The following GRID2 variants were observed in gnomAD, a reference collection of about 807,000 sequenced individuals.
The protein encoded by GRID2 is glutamate receptor ionotropic, delta-2.
A neutral mutation model predicts 114.8 loss-of-function variants in GRID2; 33 were observed. That is an observed-to-expected ratio of 0.29 (90% CI 0.22 to 0.38). GRID2 has a LOEUF of 0.38. GRID2 is among the 10% of genes least tolerant of loss of function. GRID2 has a pLI of 1.00. For missense variants in GRID2, 1,184 were observed against 1,257.7 expected (o/e 0.94, Z 0.89); for synonymous variants, 505 against 449.9 (o/e 1.12, Z -1.55).
intron 2 of GRID2, among the ~76,000 whole-genome samples, chr4:92,671,434 A>G (rs1461795938): frequency 6.6e-6 from 1 of 152,140 alleles, no homozygotes; most frequent in Admixed American, 6.6e-5. Context: ...TTCATATTGT[A>G]TCAAACATCA....
intron 10 of GRID2, among the ~76,000 whole-genome samples, chr4:93,433,213 T>C (rs1275959392): frequency 6.6e-6 from 1 of 152,220 alleles, no homozygotes; most frequent in Non-Finnish European, 1.5e-5. Context: ...ATCTGAATCA[T>C]GACCCAAAAT....
At chr4:92,566,286 G>T (rs912520643) in intron 1 of GRID2, among the ~76,000 whole-genome samples, 10 of 150,672 alleles carry the variant, frequency 6.6e-5, no homozygotes, top group African/African-American at 1.7e-4. Flanking sequence ...AAATATTTCT[G>T]TTTTTTTTTA....
chr4:93,509,021 T>A (rs749500724), intron 12 of GRID2, among the ~76,000 whole-genome samples: 1 of 152,148 alleles, frequency 6.6e-6, no homozygotes, highest in African/African-American at 2.4e-5. Flanking sequence ...AGAATGGAAA[T>A]AGAAAAGGCT....
chr4:93,065,472 T>G (rs1728215905), intron 2 of GRID2, among the ~76,000 whole-genome samples: 1 of 151,884 alleles, frequency 6.6e-6, no homozygotes, highest in Non-Finnish European at 1.5e-5. Flanking sequence ...TGACTGTTTT[T>G]ACTTTATCTC....
chr4:92,834,266 A>G (rs779376657), intron 2 of GRID2, among the ~76,000 whole-genome samples: 1 of 152,112 alleles, frequency 6.6e-6, no homozygotes, highest in African/African-American at 2.4e-5. Context: ...TTTATTTCAT[A>G]TATTTTCTTT....
intron 1 of GRID2, among the ~76,000 whole-genome samples, chr4:92,486,588 C>CAA (rs764390582): frequency 5.6e-5 from 8 of 143,652 alleles, no homozygotes; most frequent in Non-Finnish European, 1.2e-4. Flanking sequence ...CACACACACA[C>CAA]ACAAACACAG....
At chr4:92,649,981 T>TG (rs1253140856) in intron 2 of GRID2, among the ~76,000 whole-genome samples, 1 of 151,954 alleles carries the variant, frequency 6.6e-6, no homozygotes, top group Non-Finnish European at 1.5e-5. Flanking sequence ...CCATCATAAG[T>TG]TGAGGAGCAT....
intron 4 of GRID2, among the ~76,000 whole-genome samples, chr4:93,153,172 C>G (rs535902146): frequency 1.3e-5 from 2 of 152,022 alleles, no homozygotes; most frequent in Non-Finnish European, 2.9e-5. Context: ...ATACAAAATT[C>G]TGGCCTCCTA....
chr4:92,511,387 T>A (rs1579493594), intron 1 of GRID2, among the ~76,000 whole-genome samples: 1 of 151,766 alleles, frequency 6.6e-6, no homozygotes, highest in Admixed American at 6.6e-5. Flanking sequence ...TCCCACCAGG[T>A]CCACCGCCAA....
chr4:93,451,655 C>A (rs78371444), intron 10 of GRID2, among the ~76,000 whole-genome samples: 1 of 151,844 alleles, frequency 6.6e-6, no homozygotes, highest in South Asian at 2.1e-4. Flanking sequence ...AATAGGGAGA[C>A]TGAAGAGGAA....
At chr4:93,225,024 A>G (rs1419881338) in intron 7 of GRID2, among the ~76,000 whole-genome samples, 7 of 152,092 alleles carry the variant, frequency 4.6e-5, no homozygotes, top group Admixed American at 3.9e-4. Flanking sequence ...CCACTTGACT[A>G]TGTCATTAGC....
chr4:92,643,012 G>A (rs1731435848), intron 2 of GRID2, among the ~76,000 whole-genome samples: 1 of 151,752 alleles, frequency 6.6e-6, no homozygotes, highest in African/African-American at 2.4e-5. Context: ...TTATAGTATA[G>A]TTTGACGTTA....
intron 2 of GRID2, among the ~76,000 whole-genome samples, chr4:92,876,145 G>A (rs895556072): frequency 1.3e-5 from 2 of 151,640 alleles, no homozygotes; most frequent in South Asian, 2.1e-4. Context: ...AATTTCCAGA[G>A]TGATCCCTTT....
At position 92,454,327 on chromosome 4, in the gene GRID2, C is replaced by T. The variant is rs531900218; in HGVS notation, c.89-135804C>T. ...AAGTACTTAACTATATGAAAATGAG[C>T]ATTATGCATAAGGATAAATTTGGCT... On this transcript the variant is annotated intron_variant, in intron 1 of 15. Transcript: ENST00000282020. 3.9e-5 allele frequency among the ~76,000 whole-genome samples: 6 copies of T among 152,260 alleles called. No individual in the cohort carries two copies. The South Asian group carries it at 1.2e-3, about 32-fold the overall frequency.
At chr4:92,306,779 A>G (rs1725429989) in intron 1 of GRID2, among the ~76,000 whole-genome samples, 1 of 152,226 alleles carries the variant, frequency 6.6e-6, no homozygotes, top group African/African-American at 2.4e-5. Context: ...GAGTGGCTAT[A>G]ATCACATTTA....
chr4:92,588,678 CAA>C (rs1209254541), intron 1 of GRID2, among the ~76,000 whole-genome samples: 1,549 of 70,108 alleles, frequency 0.022, 9 homozygotes, highest in African/African-American at 0.061. Flanking sequence ...GACTCCGTCT[CAA>C]AAAAAAAAAA....
intron 1 of GRID2, among the ~76,000 whole-genome samples, chr4:92,583,305 G>C (rs1728266607): frequency 6.6e-6 from 1 of 151,730 alleles, no homozygotes; most frequent in Non-Finnish European, 1.5e-5. Flanking sequence ...AAATTGGAGA[G>C]AAACACAACA....
At chr4:92,784,419 C>G (rs1342648536) in intron 2 of GRID2, among the ~76,000 whole-genome samples, 6 of 151,644 alleles carry the variant, frequency 4.0e-5, no homozygotes, top group Non-Finnish European at 2.9e-5. Flanking sequence ...ATAAATTATA[C>G]AATTTGTGAA....
intron 14 of GRID2, among the ~76,000 whole-genome samples, chr4:93,638,045 T>C (rs1168865232): frequency 6.6e-6 from 1 of 152,148 alleles, no homozygotes; most frequent in Non-Finnish European, 1.5e-5. Context: ...TTATTCTATA[T>C]AGCCCAGGTA....
Sources: allele counts gnomAD v4.1 joint callset (sites outside exome capture counted in the v4.1 genomes callset), GRCh38; gene constraint gnomAD v4.1.1; transcripts MANE v1.5; gene names NCBI Gene and HGNC (gene_info 2026-07-23, HGNC 2026-07-21).